Variants in IL34 observed in about 807,000 individuals in gnomAD.
IL34 encodes interleukin 34, also known as interleukin-34.
Under a neutral mutation model 25.3 loss-of-function variants are expected in IL34, and 17 were observed. The ratio of observed to expected loss-of-function variants is 0.67; its 90% CI spans 0.46 to 1.01. The LOEUF is 1.01. Among genes scored for constraint, IL34 ranks in the 50% least tolerant of loss-of-function variants. The pLI is 0.00. For missense variants in IL34, 368 were observed against 312.9 expected, an observed-to-expected ratio of 1.18 and a Z score of -1.33; for synonymous variants, 174 against 140.9, an observed-to-expected ratio of 1.23 and a Z score of -1.66.
chr16:70,656,843 G>T, intron 3 of IL34, 117 bp from the exon 4 acceptor site: 1 of 1,228,754 alleles, frequency 8.1e-7, no homozygotes, highest in Non-Finnish European at 1.2e-6. Context: ...TTTGTCCACT[G>T]TCCACAGCGG....
chr16:70,659,767 A>G lies in IL34; in HGVS notation c.538+14A>G. 1.9e-6 allele frequency: 3 copies of G among 1,586,656 alleles called. No homozygotes were observed. The highest frequency in any genetic ancestry group is 2.6e-6 in the Non-Finnish European group (3 of 1,161,956). ...ACTGCTCCTGCTGTAAGGAGCTCTCAGGGGATGGCGCCTGGGGGTGGGAGG... is the reference window on the plus strand; with the variant it reads ...ACTGCTCCTGCTGTAAGGAGCTCTCGGGGGATGGCGCCTGGGGGTGGGAGG... On this transcript the variant is annotated intron_variant, in intron 5 of 5. Coordinates refer to ENST00000288098, the MANE Select transcript of IL34 (RefSeq NM_001393494.1).
At chr16:70,587,069 CA>C (rs2050703437) in intron 1 of IL34, among the ~76,000 whole-genome samples, 1 of 152,120 alleles carries the variant, frequency 6.6e-6, no homozygotes, top group Non-Finnish European at 1.5e-5. Context: ...TCAAGTAGGT[CA>C]GGGGGATCCA....
chr16:70,631,978 G>A (rs1393761515), intron 1 of IL34, among the ~76,000 whole-genome samples: 1 of 151,986 alleles, frequency 6.6e-6, no homozygotes, highest in African/African-American at 2.4e-5. Context: ...TTGTGTACCT[G>A]TAATCCCAGC....
chr16:70,657,405 C>T (rs12935589), intron 4 of IL34: 49,959 of 373,620 alleles, frequency 0.13, 3,643 homozygotes, highest in East Asian at 0.18. Flanking sequence ...GGCAAGTCAT[C>T]GTACCCTCTT....
chr16:70,637,030 T>G (rs2051669868), intron 1 of IL34, among the ~76,000 whole-genome samples: 1 of 151,764 alleles, frequency 6.6e-6, no homozygotes, highest in African/African-American at 2.4e-5. Flanking sequence ...CAGGCTAATT[T>G]TTTGTATTTT....
intron 1 of IL34, among the ~76,000 whole-genome samples, chr16:70,610,057 C>A (rs1416007262): frequency 6.6e-6 from 1 of 152,114 alleles, no homozygotes; most frequent in South Asian, 2.1e-4. Context: ...CAAAAATTAG[C>A]CAGGTGTGGT....
At position 70,657,090 on chromosome 16, in the gene IL34, C is replaced by A. The variant is rs769750203; in HGVS notation, c.371C>A (p.Thr124Lys). Residue 124 changes from threonine (T) to lysine (K), a missense_variant, in exon 4 of 6, where the codon ACG becomes AAG. By Grantham distance (78) the Thr-to-Lys change is moderately conservative (BLOSUM62 -1). Coordinates refer to ENST00000288098, the MANE Select transcript of IL34 (RefSeq NM_001393494.1). The part of the protein sequence containing the change: ...PSWKYLQEVE[T>K]LLLNVQQGLT... ...TGGAAGTACCTGCAGGAGGTGGAGACGCTGCTGCTGAATGTCCAGCAGGGC... is the reference window on the plus strand; with the variant it reads ...TGGAAGTACCTGCAGGAGGTGGAGAAGCTGCTGCTGAATGTCCAGCAGGGC... The A allele has an allele frequency of 1.2e-6, 2 of 1,613,020 alleles. No individual in the cohort carries two copies.
chr16:70,653,476 A>G (rs1219704697), intron 1 of IL34, among the ~76,000 whole-genome samples: 2 of 152,118 alleles, frequency 1.3e-5, no homozygotes, highest in Non-Finnish European at 2.9e-5. Flanking sequence ...AGGCAGGAGA[A>G]TTGCTTGAGC....
At chr16:70,644,093 G>C (rs557377140), upstream of IL34, among the ~76,000 whole-genome samples, 38 of 152,260 alleles carry the variant, frequency 2.5e-4, no homozygotes, top group South Asian at 7.7e-3. Context: ...TGCTGCCTCA[G>C]CCTCCTGAGT....
At position 70,656,669 on chromosome 16, in the gene IL34, TCA is replaced by T; in HGVS notation, c.232_233del (p.Thr78GlnfsTer25). 1 of 1,376,920 alleles carries T rather than the reference TCA, an allele frequency of 7.3e-7. No homozygotes were observed. The highest frequency in any genetic ancestry group is 1.0e-6 in the Non-Finnish European group (1 of 963,382). The allele number at this position is 1,376,920 out of a possible 1,614,324, so 85.3% of individuals were successfully genotyped here. On this transcript the variant is annotated frameshift_variant, in exon 3 of 6. Coordinates refer to ENST00000288098, the MANE Select transcript of IL34 (RefSeq NM_001393494.1). LOFTEE classifies it high-confidence loss of function. ...GAGGGGGTGTTCAGAATCGCCAACG[TCA>T]CCAGGCTGGTGAGAATCCCTTCCTG...
intron 1 of IL34, among the ~76,000 whole-genome samples, chr16:70,581,694 A>C (rs932307192): frequency 2.6e-4 from 40 of 152,190 alleles, no homozygotes; most frequent in Admixed American, 2.0e-3. Context: ...AAGGCTGACT[A>C]GTCTGGGTTT....
chr16:70,615,639 TATATAG>T lies in IL34; in HGVS notation c.-400-30896_-400-30891del, dbSNP rs549052976. 1.9e-3 allele frequency among the ~76,000 whole-genome samples: 285 copies of T among 152,236 alleles called. 1 individual carries two copies. The highest frequency in any genetic ancestry group is 6.2e-3 in the African/African-American group (256 of 41,534). ...TTATGCAAATGCAAGCATATACAAA[TATATAG>T]ATATAGATATAGGTAGATGAAAGTG... is the stretch of plus-strand genomic sequence containing the variant. On this transcript the variant is annotated intron_variant, in intron 1 of 6. Transcript: ENST00000429149.
intron 1 of IL34, among the ~76,000 whole-genome samples, chr16:70,590,585 T>C (rs536747714): frequency 2.6e-5 from 4 of 152,186 alleles, no homozygotes; most frequent in Admixed American, 2.0e-4. Flanking sequence ...AGCCCAATAG[T>C]GCGGAAGTAG....
At chr16:70,608,645 T>C (rs955802768) in intron 1 of IL34, among the ~76,000 whole-genome samples, 11 of 152,172 alleles carry the variant, frequency 7.2e-5, no homozygotes, top group African/African-American at 9.7e-5. Flanking sequence ...TGCCGCCAAC[T>C]CTGAGCAGCA....
intron 1 of IL34, among the ~76,000 whole-genome samples, chr16:70,603,568 G>A (rs921807263): frequency 4.6e-5 from 7 of 152,056 alleles, no homozygotes; most frequent in Non-Finnish European, 7.4e-5. Context: ...GTGAGTCACC[G>A]TGCCCGGCCT....
rs1365443427 is a variant in IL34 at position 70,657,650 on chromosome 16, C to CT, written c.402+530dup. 3.9e-5 allele frequency among the ~76,000 whole-genome samples: 6 copies of CT among 152,234 alleles called. No homozygotes were observed. The East Asian group carries it at 1.2e-3, about 29-fold the overall frequency. ...ATAAGCCAGTCCTGGTGGTGGGCAC[C>CT]TGTTATCCCAGCTACTCAGGAGGCT... On this transcript the variant is annotated intron_variant, in intron 4 of 5. Transcript: ENST00000288098.
At chr16:70,658,229 C>T (rs900356346) in intron 4 of IL34, among the ~76,000 whole-genome samples, 28 of 152,326 alleles carry the variant, frequency 1.8e-4, no homozygotes, top group African/African-American at 6.7e-4. Flanking sequence ...TTTGCAGCTG[C>T]CTGGAGCTTT....
At chr16:70,630,808 A>G (rs1354890610) in intron 1 of IL34, among the ~76,000 whole-genome samples, 1 of 152,088 alleles carries the variant, frequency 6.6e-6, no homozygotes, top group Admixed American at 6.6e-5. Context: ...CCTGGGTTCA[A>G]GTGATCCTCT....
intron 1 of IL34, among the ~76,000 whole-genome samples, chr16:70,626,451 G>A (rs1440317045): frequency 6.6e-6 from 1 of 152,062 alleles, no homozygotes; most frequent in Admixed American, 6.6e-5. Context: ...GGCTGGAATG[G>A]AATGGTGCAA....
Sources: gnomAD v4.1 joint callset for allele counts (sites outside exome capture counted in the v4.1 genomes callset) on GRCh38, gnomAD v4.1.1 for gene constraint, MANE v1.5 for transcripts, NCBI Gene and HGNC (gene_info 2026-07-23, HGNC 2026-07-21) for gene names.